MCPH1: variants seen among roughly 807,000 people sequenced by gnomAD.
The protein encoded by MCPH1 is microcephalin 1, also known as microcephalin.
In MCPH1, 104 loss-of-function variants were observed where a neutral mutation model predicts 84.5. The observed-to-expected ratio is 1.23, with a 90% CI of 1.05 to 1.45. MCPH1 has a LOEUF of 1.45. Among genes scored for constraint, MCPH1 ranks in the 40% most tolerant of loss-of-function variants. MCPH1 has a pLI of 0.00. For missense variants in MCPH1, 1,498 were observed against 1,005.7 expected (o/e 1.49, Z -6.62); for synonymous variants, 514 against 366.8 (o/e 1.40, Z -4.58).
At chr8:6,514,716 G>A in intron 12 of MCPH1, 2 of 1,614,060 alleles carry the variant, frequency 1.2e-6, no homozygotes, top group Non-Finnish European at 1.7e-6. Context: ...AATCAACGCT[G>A]CCATCCTCAC....
In MCPH1 at chr8:6,625,654, G is replaced by T. The variant is rs559950463; in HGVS notation, c.2452+3963G>T. On this transcript the variant is annotated intron_variant, in intron 13 of 13. Coordinates refer to ENST00000344683, the MANE Select transcript of MCPH1 (RefSeq NM_024596.5). Reference sequence around the variant, plus strand: ...TGAGCGTCTTAGAGTAATTTGAGCCGGGCGTGGTGGCCCATGCCTGTTGTC... The same window carrying T: ...TGAGCGTCTTAGAGTAATTTGAGCCTGGCGTGGTGGCCCATGCCTGTTGTC... The T allele has an allele frequency of 7.1e-6, 7 of 985,258 alleles. No individual in the cohort carries two copies. The East Asian group carries it at 8.0e-4, about 112-fold the overall frequency. 61.0% of individuals were successfully genotyped at this position (985,258 alleles called of 1,614,324 possible).
At chr8:6,468,087 G>A (rs931938178) in intron 9 of MCPH1, among the ~76,000 whole-genome samples, 1 of 152,186 alleles carries the variant, frequency 6.6e-6, no homozygotes, top group African/African-American at 2.4e-5. Flanking sequence ...CTTAGCTTAA[G>A]CAATTTGAGC....
At chr8:6,638,514 G>A (rs531862995) in intron 13 of MCPH1, among the ~76,000 whole-genome samples, 48 of 151,816 alleles carry the variant, frequency 3.2e-4, no homozygotes, top group Admixed American at 7.2e-4. Flanking sequence ...CAGAGCCATG[G>A]CTAGTAAACT....
At chr8:6,438,839 G>A (rs922502627) in intron 5 of MCPH1, 114 bp from the exon 6 acceptor site, 1 of 911,252 alleles carries the variant, frequency 1.1e-6, no homozygotes, top group African/African-American at 1.6e-5. Context: ...AGGTAATGAT[G>A]TTGAAAGGGA....
chr8:6,561,969 C>T (rs116625035), intron 12 of MCPH1, among the ~76,000 whole-genome samples: 1 of 152,158 alleles, frequency 6.6e-6, no homozygotes, highest in Non-Finnish European at 1.5e-5. Context: ...GGACGCATTC[C>T]GCACCGGTTG....
intron 5 of MCPH1, 97 bp from the exon 6 acceptor site, chr8:6,438,856 A>T (rs1803060499): frequency 8.9e-7 from 1 of 1,118,862 alleles, no homozygotes; most frequent in African/African-American, 1.5e-5. Context: ...GGGAAGAAGG[A>T]AAACGGGGTG....
chr8:6,613,843 G>C (rs745591642), intron 12 of MCPH1, among the ~76,000 whole-genome samples: 7 of 152,126 alleles, frequency 4.6e-5, no homozygotes, highest in African/African-American at 1.7e-4. Flanking sequence ...CCAGGGGCAG[G>C]GATGCTTTTG....
chr8:6,517,554 T>A (rs1343400301), intron 12 of MCPH1, among the ~76,000 whole-genome samples: 1 of 152,214 alleles, frequency 6.6e-6, no homozygotes, highest in East Asian at 1.9e-4. Flanking sequence ...ATTCTTTTCT[T>A]GAATTAGATA....
At chr8:6,519,174 C>T (rs1400202471) in intron 12 of MCPH1, among the ~76,000 whole-genome samples, 1 of 152,182 alleles carries the variant, frequency 6.6e-6, no homozygotes, top group Non-Finnish European at 1.5e-5. Context: ...AGGTTAGAAT[C>T]GCCTTCCCCA....
At chr8:6,483,652 G>A (rs1484050414) in intron 11 of MCPH1, among the ~76,000 whole-genome samples, 4 of 152,146 alleles carry the variant, frequency 2.6e-5, no homozygotes, top group Non-Finnish European at 5.9e-5. Flanking sequence ...CTGAGGTCAG[G>A]AATTGGAGAT....
chr8:6,497,443 AG>A (rs1300928748), intron 11 of MCPH1, among the ~76,000 whole-genome samples: 1 of 152,206 alleles, frequency 6.6e-6, no homozygotes, highest in Non-Finnish European at 1.5e-5. Flanking sequence ...ACGATGCTGC[AG>A]TGAGCCAAGA....
At position 6,541,566 on chromosome 8, in the gene MCPH1, T is replaced by TG. The variant is rs550032796; in HGVS notation, c.2214+41639dup. Among the ~76,000 whole-genome samples the TG allele has an allele frequency of 3.7e-3, 563 of 152,336 alleles. 1 individual carries two copies. The highest frequency in any genetic ancestry group is 4.5e-3 in the Non-Finnish European group (304 of 68,028). ...AATGCGGAGACGCTCGGCAGGTCCT[T>TG]GGTGGCCTCTGAGTTATTCTGCAGA... On this transcript the variant is annotated intron_variant, in intron 12 of 13. Coordinates refer to ENST00000344683, the MANE Select transcript of MCPH1 (RefSeq NM_024596.5).
chr8:6,636,586 C>T (rs1367031926), intron 13 of MCPH1, among the ~76,000 whole-genome samples: 1 of 152,198 alleles, frequency 6.6e-6, no homozygotes, highest in Non-Finnish European at 1.5e-5. Context: ...CTCAAGCGAT[C>T]TTCCCACCTC....
chr8:6,466,999 C>T (rs1378800763), intron 9 of MCPH1, among the ~76,000 whole-genome samples: 4 of 151,940 alleles, frequency 2.6e-5, no homozygotes, highest in African/African-American at 4.8e-5. Flanking sequence ...AGGGTAATTT[C>T]GATTTGTTTT....
intron 12 of MCPH1, among the ~76,000 whole-genome samples, chr8:6,564,521 TA>T (rs767963269): frequency 1.3e-5 from 2 of 152,208 alleles, no homozygotes; most frequent in African/African-American, 2.4e-5. Flanking sequence ...CTTCAGAGAT[TA>T]ATAATATGTT....
At chr8:6,621,262 A>G (rs913257614) in intron 12 of MCPH1, 192 bp from the exon 13 acceptor site, 2 of 690,800 alleles carry the variant, frequency 2.9e-6, no homozygotes, top group African/African-American at 3.6e-5. Flanking sequence ...GCTACTTCAG[A>G]AAACGTCAGT....
chr8:6,581,485 G>A (rs1402882677), intron 12 of MCPH1, among the ~76,000 whole-genome samples: 1 of 152,188 alleles, frequency 6.6e-6, no homozygotes, highest in Non-Finnish European at 1.5e-5. Context: ...CAATCATTCT[G>A]TTATTCCTTT....
At chr8:6,607,327 T>A (rs1037051445) in intron 12 of MCPH1, among the ~76,000 whole-genome samples, 1 of 152,194 alleles carries the variant, frequency 6.6e-6, no homozygotes, top group African/African-American at 2.4e-5. Flanking sequence ...TCTAATCACC[T>A]CCTCCACCAC....
chr8:6,468,925 A>G (rs911997618), intron 9 of MCPH1, among the ~76,000 whole-genome samples: 2 of 152,334 alleles, frequency 1.3e-5, no homozygotes, highest in Middle Eastern at 3.4e-3. Context: ...ACAGTGGCTC[A>G]TGCTTGTAAT....
Sources: gnomAD v4.1 joint callset for allele counts (sites outside exome capture counted in the v4.1 genomes callset) on GRCh38, gnomAD v4.1.1 for gene constraint, MANE v1.5 for transcripts, NCBI Gene and HGNC (gene_info 2026-07-23, HGNC 2026-07-21) for gene names.